Variants in BCL2L11 observed in about 807,000 individuals in gnomAD.
The protein encoded by BCL2L11 is bcl-2-like protein 11.
BCL2L11 carries 15 observed loss-of-function variants against 20.6 expected under a neutral mutation model. The observed-to-expected ratio is 0.73, with a 90% CI of 0.49 to 1.12. BCL2L11 has a LOEUF of 1.12. Ranked by LOEUF, BCL2L11 falls within the 50% of genes most tolerant of loss-of-function variation. The pLI is 0.00. For missense variants in BCL2L11, 292 were observed against 260.9 expected, an observed-to-expected ratio of 1.12 and a Z score of -0.82; for synonymous variants, 108 against 92.8, an observed-to-expected ratio of 1.16 and a Z score of -0.94.
intron 2 of BCL2L11, chr2:111,128,735 A>G (rs1430609386): frequency 1.3e-6 from 2 of 1,548,256 alleles, no homozygotes; most frequent in East Asian, 2.4e-5. Context: ...CAACTCAACC[A>G]CAAGGATTTC....
At chr2:111,161,053 G>A (rs942141596) in intron 3 of BCL2L11, among the ~76,000 whole-genome samples, 6 of 152,160 alleles carry the variant, frequency 3.9e-5, no homozygotes, top group East Asian at 1.9e-4. Context: ...GTGTCTTCAC[G>A]TGGTCTCCCT....
At chr2:111,154,001 C>T in intron 3 of BCL2L11, 1 of 1,309,074 alleles carries the variant, frequency 7.6e-7, no homozygotes, top group Non-Finnish European at 9.8e-7. Flanking sequence ...CCCCTCTATT[C>T]AGTCGGAGTT....
chr2:111,157,193 A>G (rs1284552847), intron 3 of BCL2L11, among the ~76,000 whole-genome samples: 1 of 152,244 alleles, frequency 6.6e-6, no homozygotes, highest in East Asian at 1.9e-4. Flanking sequence ...CCATTAACAC[A>G]TAACCATGAG....
rs939675269 is a variant in BCL2L11 at position 111,122,638 on chromosome 2, G to A, written c.-13-1095G>A. Reference sequence around the variant, plus strand: ...GCGGGCGCAGAGCGCGAGGGGAGGAGCGGGAGGAGGCGGAGGATGTTCCCG... The same window carrying A: ...GCGGGCGCAGAGCGCGAGGGGAGGAACGGGAGGAGGCGGAGGATGTTCCCG... On this transcript the variant is annotated intron_variant, in intron 1 of 3. Coordinates refer to ENST00000393256, the MANE Select transcript of BCL2L11 (RefSeq NM_138621.5). 10 of 984,014 alleles carry A rather than the reference G, an allele frequency of 1.0e-5. No homozygotes were observed. In the South Asian group the frequency reaches 1.4e-4, roughly 13 times the overall value. 61.0% of individuals were successfully genotyped at this position (984,014 alleles called of 1,614,324 possible).
intron 2 of BCL2L11, among the ~76,000 whole-genome samples, chr2:111,146,459 G>A (rs2076523163): frequency 6.6e-6 from 1 of 152,216 alleles, no homozygotes; most frequent in African/African-American, 2.4e-5. Flanking sequence ...GATTACAGGA[G>A]TGAGGGTGGA....
chr2:111,138,012 C>CTTTTTTT (rs66601807), intron 2 of BCL2L11, among the ~76,000 whole-genome samples: 2 of 127,142 alleles, frequency 1.6e-5, no homozygotes, highest in African/African-American at 3.0e-5. Flanking sequence ...TTCTTTCTTT[C>CTTTTTTT]TTTTTTTTTT....
chr2:111,120,982 C>T lies in BCL2L11; in HGVS notation c.-220C>T, dbSNP rs1414597255. The T allele has an allele frequency of 1.2e-4, 4 of 34,200 alleles. No homozygotes were observed. In the East Asian group the frequency reaches 9.3e-3, roughly 80 times the overall value. The allele number at this position is 34,200 out of a possible 1,614,324, so 2.1% of individuals were successfully genotyped here. A position where few individuals can be genotyped will look rare whatever the true frequency, so the allele number is the denominator to read the frequency against. ...CTGCGTCCAGCGCCGCTGCCGCTGCCGCCGCCGCCGCCGCCGCCGCCGCCG... is the reference window on the plus strand; with the variant it reads ...CTGCGTCCAGCGCCGCTGCCGCTGCTGCCGCCGCCGCCGCCGCCGCCGCCG... On this transcript the variant is annotated 5_prime_UTR_variant, in exon 1 of 4. Coordinates refer to ENST00000393256, the MANE Select transcript of BCL2L11 (RefSeq NM_138621.5).
intron 1 of BCL2L11, chr2:111,123,201 C>A (rs2071594005): frequency 2.0e-6 from 2 of 985,488 alleles, no homozygotes; most frequent in Non-Finnish European, 1.2e-6. Flanking sequence ...GCTGGAGTTA[C>A]AAACTCTATT....
At chr2:111,132,294 C>T (rs1248576003) in intron 2 of BCL2L11, 2 of 152,152 alleles carry the variant, frequency 1.3e-5, no homozygotes, top group African/African-American at 4.8e-5. Context: ...TGTTAATATG[C>T]ACACAAAGAT....
intron 1 of BCL2L11, chr2:111,123,154 C>G (rs1171203160): frequency 1.0e-6 from 1 of 985,186 alleles, no homozygotes. Flanking sequence ...AGGGAGGGAG[C>G]ACGGGCGGAG....
Position 111,165,307 on chromosome 2 carries a change from A to G in BCL2L11, c.*1076A>G, listed in dbSNP as rs2150616025. On this transcript the variant is annotated 3_prime_UTR_variant, in exon 4 of 4. Transcript: ENST00000393256. Reference sequence around the variant, plus strand: ...AGAGGGCCACCGTGTCCATTACAGCAGAGTCCAGCTGCAGCATCCAGCTCA... The same window carrying G: ...AGAGGGCCACCGTGTCCATTACAGCGGAGTCCAGCTGCAGCATCCAGCTCA... 6.6e-6 allele frequency: 1 copy of G among 152,440 alleles called. No individual in the cohort carries two copies. Among genetic ancestry groups the G allele is most frequent in the South Asian group, 2.1e-4 (1 of 4,836 alleles). The allele number at this position is 152,440 out of a possible 1,614,324, so 9.4% of individuals were successfully genotyped here.
chr2:111,157,689 G>A (rs2078033827), intron 3 of BCL2L11, among the ~76,000 whole-genome samples: 1 of 152,146 alleles, frequency 6.6e-6, no homozygotes, highest in African/African-American at 2.4e-5. Flanking sequence ...AGCCTCACCT[G>A]GACATTCACT....
At chr2:111,152,627 A>G (rs2077386331) in intron 3 of BCL2L11, among the ~76,000 whole-genome samples, 1 of 152,170 alleles carries the variant, frequency 6.6e-6, no homozygotes, top group South Asian at 2.1e-4. Flanking sequence ...CCTCTTGTGA[A>G]GGCTGTCAAG....
chr2:111,145,883 G>C, intron 2 of BCL2L11: 2 of 842,160 alleles, frequency 2.4e-6, no homozygotes, highest in Non-Finnish European at 2.9e-6. Context: ...GCTTATATCT[G>C]ACATATTGCA....
At position 111,124,114 on chromosome 2, in the gene BCL2L11, C is replaced by T. The variant is rs1339373028; in HGVS notation, c.369C>T (p.Ala123=). 5.6e-6 allele frequency: 9 copies of T among 1,612,212 alleles called. No individual in the cohort carries two copies. Among genetic ancestry groups the T allele is most frequent in the Non-Finnish European group, 7.6e-6 (9 of 1,179,300 alleles). The change falls in exon 2 of 4, where the codon GCC becomes GCT. Residue 123 remains alanine, a synonymous_variant. Coordinates refer to ENST00000393256, the MANE Select transcript of BCL2L11 (RefSeq NM_138621.5). The part of the protein sequence containing the change: ...STQTPSPPCQ[A]FNHYLSAMAS... ...AAACCCCAAGTCCTCCTTGCCAGGC[C>T]TTCAACCACTATCTCAGTGCAATGG... is the stretch of plus-strand genomic sequence containing the variant.
chr2:111,145,920 C>CTTT (rs58738963), intron 2 of BCL2L11: 90 of 733,580 alleles, frequency 1.2e-4, no homozygotes, highest in African/African-American at 2.7e-4. Context: ...TAGTGGCTTT[C>CTTT]TTTTTTTTTT....
At chr2:111,144,631 G>A in intron 2 of BCL2L11, 1 of 1,329,316 alleles carries the variant, frequency 7.5e-7, no homozygotes, top group Admixed American at 2.3e-5. Flanking sequence ...TAAAGAAGGA[G>A]ACTTACAGAG....
At chr2:111,121,621 C>T (rs867417951) in intron 1 of BCL2L11, among the ~76,000 whole-genome samples, 3 of 152,178 alleles carry the variant, frequency 2.0e-5, no homozygotes, top group Admixed American at 6.5e-5. Context: ...GAGGGTGTTT[C>T]GTGTCTTGGT....
At chr2:111,128,883 CTA>C in intron 2 of BCL2L11, 1 of 1,346,058 alleles carries the variant, frequency 7.4e-7, no homozygotes, top group East Asian at 2.6e-5. Context: ...AACATGGCTA[CTA>C]GAAAAATGCA....
Sources: allele counts gnomAD v4.1 joint callset (sites outside exome capture counted in the v4.1 genomes callset), GRCh38; gene constraint gnomAD v4.1.1; transcripts MANE v1.5; gene names NCBI Gene and HGNC (gene_info 2026-07-23, HGNC 2026-07-21).